The following NFAT5 variants were observed in gnomAD, a reference collection of about 807,000 sequenced individuals.
NFAT5 encodes the protein nuclear factor of activated T-cells 5.
Under a neutral mutation model 166.5 loss-of-function variants are expected in NFAT5, and 31 were observed. The observed-to-expected ratio is 0.19, with a 90% CI of 0.14 to 0.25. The LOEUF (loss-of-function observed/expected upper bound fraction) is 0.25. Among genes scored for constraint, NFAT5 ranks in the 10% least tolerant of loss-of-function variants. The pLI, the probability that NFAT5 is intolerant of heterozygous loss-of-function variation, is 1.00. For missense variants in NFAT5, 1,449 were observed against 1,821.8 expected, an observed-to-expected ratio of 0.80 and a Z score of 3.72; for synonymous variants, 612 against 639.7, an observed-to-expected ratio of 0.96 and a Z score of 0.65.
intron 4 of NFAT5, chr16:69,649,167 C>T: frequency 5.3e-6 from 5 of 935,898 alleles, no homozygotes; most frequent in Non-Finnish European, 6.4e-6. Context: ...ATGAATACAG[C>T]AGGTAAATAC....
At chr16:69,606,345 T>A (rs1167050790) in intron 2 of NFAT5, among the ~76,000 whole-genome samples, 2 of 152,218 alleles carry the variant, frequency 1.3e-5, no homozygotes, top group African/African-American at 4.8e-5. Flanking sequence ...TTTAGGTAAC[T>A]TGAGAGTACA....
chr16:69,658,002 G>A (rs1364974511), intron 6 of NFAT5, among the ~76,000 whole-genome samples: 2 of 148,252 alleles, frequency 1.3e-5, no homozygotes, highest in South Asian at 2.1e-4. Flanking sequence ...GGAGAATGGC[G>A]TGAACCCGGG....
At chr16:69,675,715 C>T (rs1350943799) in intron 9 of NFAT5, among the ~76,000 whole-genome samples, 1 of 152,082 alleles carries the variant, frequency 6.6e-6, no homozygotes, top group East Asian at 1.9e-4. Flanking sequence ...TCTTGGCTCA[C>T]CTCAACCTCC....
rs1021813632 is a variant in NFAT5, at chr16:69,702,747, T to A, written c.*6396T>A. On this transcript the variant is annotated 3_prime_UTR_variant, in exon 15 of 15. Transcript: ENST00000349945. ...AGACTCTGTTGAGATATAGAGTTTT[T>A]CTTCCACTCAGACTGATATAGTTAT... 1.3e-5 allele frequency: 2 copies of A among 152,670 alleles called. No individual in the cohort carries two copies. The highest frequency in any genetic ancestry group is 4.8e-5 in the African/African-American group (2 of 41,472). 9.5% of individuals were successfully genotyped at this position (152,670 alleles called of 1,614,324 possible).
intron 2 of NFAT5, among the ~76,000 whole-genome samples, chr16:69,601,585 G>C (rs1277553025): frequency 6.6e-6 from 1 of 152,086 alleles, no homozygotes; most frequent in Non-Finnish European, 1.5e-5. Flanking sequence ...TGTTGCCAAG[G>C]CCAGTTTCAA....
At chr16:69,674,117 C>A (rs1453344331) in intron 9 of NFAT5, among the ~76,000 whole-genome samples, 3 of 151,824 alleles carry the variant, frequency 2.0e-5, no homozygotes, top group South Asian at 2.1e-4. Flanking sequence ...GTGGCATATG[C>A]CTGTAATCCC....
rs2036564992 is a variant in NFAT5, at chr16:69,670,128, G to A, written c.1504+17G>A. 1.9e-6 allele frequency: 3 copies of A among 1,607,446 alleles called. No individual in the cohort carries two copies. Among genetic ancestry groups the A allele is most frequent in the Non-Finnish European group, 2.5e-6 (3 of 1,177,962 alleles). On this transcript the variant is annotated intron_variant, in intron 8 of 14. Coordinates refer to ENST00000349945, the MANE Select transcript of NFAT5 (RefSeq NM_138713.4). ...ATGTTTCTGGTAAGTACGCATATTT[G>A]TGGTACAGATATTTGTATGTTTTCA...
At chr16:69,661,060 C>G (rs933606332) in intron 7 of NFAT5, among the ~76,000 whole-genome samples, 4 of 149,544 alleles carry the variant, frequency 2.7e-5, no homozygotes, top group African/African-American at 9.9e-5. Context: ...TCTGCCCACT[C>G]CTCCCAGCAC....
chr16:69,635,033 T>G (rs1481134633), intron 3 of NFAT5, among the ~76,000 whole-genome samples: 1 of 147,736 alleles, frequency 6.8e-6, no homozygotes, highest in African/African-American at 2.5e-5. Flanking sequence ...GTTTTTTTTT[T>G]TTTTTTTTTT....
At chr16:69,586,105 A>G (rs2032047423) in intron 2 of NFAT5, among the ~76,000 whole-genome samples, 3 of 152,200 alleles carry the variant, frequency 2.0e-5, no homozygotes, top group African/African-American at 2.4e-5. Context: ...TTTGTGAGAC[A>G]TAATTGTGTG....
intron 2 of NFAT5, among the ~76,000 whole-genome samples, chr16:69,573,502 C>G (rs915260899): frequency 1.3e-5 from 2 of 151,958 alleles, no homozygotes; most frequent in African/African-American, 4.8e-5. Context: ...TGTTTAGTAT[C>G]TAATAATCTC....
chr16:69,656,619 A>C (rs1020610085), intron 6 of NFAT5, among the ~76,000 whole-genome samples: 1 of 151,816 alleles, frequency 6.6e-6, no homozygotes, highest in Non-Finnish European at 1.5e-5. Context: ...CACCCGGCTA[A>C]TTTTGTATTT....
chr16:69,599,639 G>C (rs758349947), intron 2 of NFAT5, among the ~76,000 whole-genome samples: 20 of 152,104 alleles, frequency 1.3e-4, no homozygotes, highest in Non-Finnish European at 2.4e-4. Context: ...AAAATGGTGG[G>C]GGCACTATTT....
chr16:69,608,183 C>T (rs926160072), intron 2 of NFAT5, among the ~76,000 whole-genome samples: 5 of 150,096 alleles, frequency 3.3e-5, no homozygotes, highest in South Asian at 2.1e-4. Context: ...GGCAAAACCC[C>T]GGTCTCTACC....
In NFAT5 at chr16:69,697,072, T is replaced by G. The variant is rs1264339628; in HGVS notation, c.*721T>G. The stretch of plus-strand genomic sequence containing the variant: ...ATAACTGTGCATAGAAAAATAATTA[T>G]CTGTAAAAAATGAAGGGGATAATAT... On this transcript the variant is annotated 3_prime_UTR_variant, in exon 15 of 15. Coordinates refer to ENST00000349945, the MANE Select transcript of NFAT5 (RefSeq NM_138713.4). 6.6e-6 allele frequency: 1 copy of G among 152,644 alleles called. No individual in the cohort carries two copies. The highest frequency in any genetic ancestry group is 1.5e-5 in the Non-Finnish European group (1 of 68,046). The allele number at this position is 152,644 out of a possible 1,614,324, so 9.5% of individuals were successfully genotyped here. A position where few individuals can be genotyped will look rare whatever the true frequency, so the allele number is the denominator to read the frequency against.
chr16:69,585,364 A>C (rs907061815), intron 2 of NFAT5, among the ~76,000 whole-genome samples: 1 of 151,642 alleles, frequency 6.6e-6, no homozygotes, highest in Non-Finnish European at 1.5e-5. Context: ...AGTTTTCTTC[A>C]TGCATTGCTG....
At chr16:69,628,222 T>C (rs547257046) in intron 3 of NFAT5, among the ~76,000 whole-genome samples, 1 of 151,960 alleles carries the variant, frequency 6.6e-6, no homozygotes, top group African/African-American at 2.4e-5. Flanking sequence ...TAATGAAATA[T>C]TAACCTTCTC....
rs546606238 is a variant in NFAT5, at chr16:69,613,578, T to C, written c.128-12825T>C. Among the ~76,000 whole-genome samples, 3 of 152,326 alleles carry C rather than the reference T, an allele frequency of 2.0e-5. No homozygotes were observed. The South Asian group carries it at 6.2e-4, about 32-fold the overall frequency. On this transcript the variant is annotated intron_variant, in intron 2 of 14. Transcript: ENST00000349945. Reference sequence around the variant, plus strand: ...TGAAAATACTCTTTTTGTTCAGGTTTGCTTTTATAGTTTCTCCTTCCTTTT... The same window carrying C: ...TGAAAATACTCTTTTTGTTCAGGTTCGCTTTTATAGTTTCTCCTTCCTTTT...
intron 10 of NFAT5, among the ~76,000 whole-genome samples, chr16:69,680,477 T>C (rs1034552468): frequency 1.3e-5 from 2 of 152,224 alleles, no homozygotes; most frequent in African/African-American, 4.8e-5. Flanking sequence ...AATTGGCCTT[T>C]GATAAATTGC....
Sources: allele counts gnomAD v4.1 joint callset (sites outside exome capture counted in the v4.1 genomes callset), GRCh38; gene constraint gnomAD v4.1.1; transcripts MANE v1.5; gene names NCBI Gene and HGNC (gene_info 2026-07-23, HGNC 2026-07-21).